Variants in NR6A1 observed in about 807,000 individuals in gnomAD.
NR6A1 encodes nuclear receptor subfamily 6 group A member 1.
In NR6A1, 7 loss-of-function variants were observed where a neutral mutation model predicts 59.1. The ratio of observed to expected loss-of-function variants is 0.12; its 90% CI spans 0.07 to 0.22. The LOEUF is 0.22. NR6A1 is among the 10% of genes least tolerant of loss of function. The pLI is 1.00. For missense variants in NR6A1, 468 were observed against 611.6 expected (o/e 0.77, Z 2.48); for synonymous variants, 243 against 236.1 (o/e 1.03, Z -0.27).
At chr9:124,767,662 C>A (rs1445851818) in intron 1 of NR6A1, among the ~76,000 whole-genome samples, 1 of 152,042 alleles carries the variant, frequency 6.6e-6, no homozygotes, top group Non-Finnish European at 1.5e-5. Context: ...AATCACAGAA[C>A]TGAAAAGTTA....
chr9:124,609,381 C>T lies in NR6A1; in HGVS notation c.143-54811G>A, dbSNP rs371912514. On this transcript the variant is annotated intron_variant, in intron 2 of 9. Coordinates refer to ENST00000487099, the MANE Select transcript of NR6A1 (RefSeq NM_033334.4). ...TAAATAGGGAAACCTTTCCCCACTGCTTGATTTTCTCAGGTTTATTGAAGA... is the reference window on the plus strand; with the variant it reads ...TAAATAGGGAAACCTTTCCCCACTGTTTGATTTTCTCAGGTTTATTGAAGA... Among the ~76,000 whole-genome samples, 15 of 152,282 alleles carry T rather than the reference C, an allele frequency of 9.9e-5. No homozygotes were observed. In the East Asian group the frequency reaches 2.7e-3, roughly 27 times the overall value.
intron 2 of NR6A1, among the ~76,000 whole-genome samples, chr9:124,688,511 A>C (rs541022486): frequency 6.6e-6 from 1 of 152,358 alleles, no homozygotes; most frequent in Admixed American, 6.5e-5. Flanking sequence ...CAATTGGTAC[A>C]GAACTTGGTG....
intron 7 of NR6A1, 113 bp from the exon 8 acceptor site, chr9:124,527,013 G>T: frequency 1.6e-6 from 2 of 1,283,538 alleles, no homozygotes; most frequent in Non-Finnish European, 2.2e-6. Context: ...GGGGAAATGG[G>T]ATCCAAAGCC....
At chr9:124,763,634 A>T (rs1840841847) in intron 1 of NR6A1, among the ~76,000 whole-genome samples, 3 of 152,344 alleles carry the variant, frequency 2.0e-5, no homozygotes, top group African/African-American at 7.2e-5. Context: ...TTTGTTTATA[A>T]ATTTTAAAAA....
intron 1 of NR6A1, among the ~76,000 whole-genome samples, chr9:124,734,119 T>C (rs530384508): frequency 9.6e-4 from 146 of 152,358 alleles, no homozygotes; most frequent in Middle Eastern, 3.4e-3. Context: ...TTCCTCAGTT[T>C]AAATATTTCC....
At chr9:124,584,871 C>T (rs139106355) in intron 2 of NR6A1, among the ~76,000 whole-genome samples, 1 of 152,226 alleles carries the variant, frequency 6.6e-6, no homozygotes, top group African/African-American at 2.4e-5. Flanking sequence ...GAGGAAGGCA[C>T]GTCAAAAGCA....
At chr9:124,669,759 G>C (rs1837733081) in intron 2 of NR6A1, among the ~76,000 whole-genome samples, 1 of 152,098 alleles carries the variant, frequency 6.6e-6, no homozygotes, top group Admixed American at 6.6e-5. Flanking sequence ...ACCATGCCCG[G>C]CTAATTTTTG....
At chr9:124,661,689 T>C (rs1409304370) in intron 2 of NR6A1, among the ~76,000 whole-genome samples, 1 of 152,204 alleles carries the variant, frequency 6.6e-6, no homozygotes. Flanking sequence ...CTTCCTCAAA[T>C]ACTATTATTA....
At chr9:124,759,804 G>A (rs1361199512) in intron 1 of NR6A1, among the ~76,000 whole-genome samples, 3 of 152,170 alleles carry the variant, frequency 2.0e-5, no homozygotes, top group Non-Finnish European at 4.4e-5. Flanking sequence ...CACTTTGGGA[G>A]GCCAAGGCGG....
intron 1 of NR6A1, among the ~76,000 whole-genome samples, chr9:124,760,631 C>A (rs1840763175): frequency 6.6e-6 from 1 of 152,166 alleles, no homozygotes; most frequent in Non-Finnish European, 1.5e-5. Context: ...GCTGCGAAAT[C>A]TGGAGGTTTA....
intron 2 of NR6A1, among the ~76,000 whole-genome samples, chr9:124,708,791 C>T (rs1214624733): frequency 6.6e-6 from 1 of 152,170 alleles, no homozygotes; most frequent in Non-Finnish European, 1.5e-5. Context: ...GTTAGGTACT[C>T]AAATAGGTCC....
intron 2 of NR6A1, among the ~76,000 whole-genome samples, chr9:124,676,292 A>T (rs568191458): frequency 6.6e-6 from 1 of 152,196 alleles, no homozygotes; most frequent in African/African-American, 2.4e-5. Flanking sequence ...AAACTCTGGC[A>T]AACAGACAGT....
At chr9:124,713,295 A>G (rs1260544957) in intron 2 of NR6A1, among the ~76,000 whole-genome samples, 1 of 151,840 alleles carries the variant, frequency 6.6e-6, no homozygotes, top group Non-Finnish European at 1.5e-5. Context: ...AAACTATAAA[A>G]CTTTTAGAAA....
chr9:124,580,038 A>G (rs1285315448), intron 2 of NR6A1, among the ~76,000 whole-genome samples: 7 of 152,098 alleles, frequency 4.6e-5, no homozygotes, highest in Non-Finnish European at 1.0e-4. Flanking sequence ...CAAACAAACA[A>G]AGATTTACCA....
At chr9:124,670,301 A>AG (rs1837753803) in intron 2 of NR6A1, among the ~76,000 whole-genome samples, 1 of 152,032 alleles carries the variant, frequency 6.6e-6, no homozygotes, top group Non-Finnish European at 1.5e-5. Flanking sequence ...CTGAGGCAGG[A>AG]GGATGGCTCA....
intron 2 of NR6A1, among the ~76,000 whole-genome samples, chr9:124,637,898 A>G (rs913660501): frequency 7.0e-6 from 1 of 143,018 alleles, no homozygotes; most frequent in Non-Finnish European, 1.5e-5. Flanking sequence ...TCTCCAAAAA[A>G]AAAAAAAAAA....
intron 1 of NR6A1, among the ~76,000 whole-genome samples, chr9:124,767,536 C>G (rs1383055448): frequency 1.3e-5 from 2 of 149,274 alleles, no homozygotes; most frequent in Non-Finnish European, 3.0e-5. Flanking sequence ...AAAAGAAAAA[C>G]CTGCGTGCTG....
At chr9:124,669,967 C>T (rs953261497) in intron 2 of NR6A1, among the ~76,000 whole-genome samples, 4 of 152,096 alleles carry the variant, frequency 2.6e-5, no homozygotes, top group African/African-American at 9.7e-5. Flanking sequence ...ATTAAGATTA[C>T]AGCAAGTTAG....
chr9:124,768,684 T>C (rs967190012), intron 1 of NR6A1, among the ~76,000 whole-genome samples: 8 of 152,336 alleles, frequency 5.3e-5, no homozygotes, highest in Non-Finnish European at 8.8e-5. Flanking sequence ...TTCTGACCAA[T>C]TGAGGAAATG....
Sources: allele counts gnomAD v4.1 joint callset (sites outside exome capture counted in the v4.1 genomes callset), GRCh38; gene constraint gnomAD v4.1.1; transcripts MANE v1.5; gene names NCBI Gene and HGNC (gene_info 2026-07-23, HGNC 2026-07-21).